The following SH3BGRL2 variants were observed in gnomAD, a reference collection of about 807,000 sequenced individuals.
SH3BGRL2 encodes the protein SH3 domain binding glutamate rich protein like 2.
Under a neutral mutation model 14.8 loss-of-function variants are expected in SH3BGRL2, and 21 were observed. The observed-to-expected ratio is 1.42, with a 90% CI of 1.01 to 2.05. SH3BGRL2 has a LOEUF of 2.05. SH3BGRL2 is among the 30% of genes most tolerant of loss of function. SH3BGRL2 has a pLI of 0.00. For synonymous variants in SH3BGRL2, 50 were observed against 47.8 expected (o/e 1.05, Z -0.19); for missense variants, 147 against 130.8 (o/e 1.12, Z -0.61).
the SH3BGRL2 span, among the ~76,000 whole-genome samples, chr6:79,555,220 C>T: frequency 2.6e-5 from 4 of 152,124 alleles, no homozygotes; most frequent in South Asian, 6.2e-4. Context: ...GAGGCTGAGG[C>T]AGGCGGATCA....
chr6:79,615,939 C>T, the SH3BGRL2 span, among the ~76,000 whole-genome samples: 10 of 151,512 alleles, frequency 6.6e-5, no homozygotes, highest in East Asian at 1.8e-3. Flanking sequence ...GCCTCAGCCT[C>T]CGGAGTAGCT....
the SH3BGRL2 span, among the ~76,000 whole-genome samples, chr6:79,588,966 G>T: frequency 6.6e-5 from 10 of 151,946 alleles, no homozygotes; most frequent in Non-Finnish European, 1.5e-4. Context: ...ATCTCTAGGG[G>T]GTTGGTTCCA....
At chr6:79,548,926 T>C in the SH3BGRL2 span, among the ~76,000 whole-genome samples, 75,665 of 151,926 alleles carry the variant, frequency 0.5, 19,987 homozygotes, top group East Asian at 0.79. Context: ...CAATATGATC[T>C]TATGACTTTG....
At chr6:79,617,854 C>A in the SH3BGRL2 span, among the ~76,000 whole-genome samples, 1 of 152,272 alleles carries the variant, frequency 6.6e-6, no homozygotes, top group Non-Finnish European at 1.5e-5. Context: ...GCCAGATTGT[C>A]CCACAATGAT....
the SH3BGRL2 span, among the ~76,000 whole-genome samples, chr6:79,584,256 C>T: frequency 5.9e-5 from 9 of 152,160 alleles, no homozygotes; most frequent in Non-Finnish European, 1.0e-4. Context: ...TCACATGAGA[C>T]GCCACCCAAG....
At chr6:79,645,456 C>G (rs969370600) in intron 1 of SH3BGRL2, among the ~76,000 whole-genome samples, 14 of 152,248 alleles carry the variant, frequency 9.2e-5, no homozygotes, top group Admixed American at 9.2e-4. Flanking sequence ...GGCATGGATC[C>G]ACTGGAACTG....
chr6:79,573,618 C>T, the SH3BGRL2 span, among the ~76,000 whole-genome samples: 1 of 152,002 alleles, frequency 6.6e-6, no homozygotes, highest in Non-Finnish European at 1.5e-5. Flanking sequence ...TATTTGTATC[C>T]ACATACATGA....
the SH3BGRL2 span, among the ~76,000 whole-genome samples, chr6:79,598,765 G>A: frequency 1.3e-5 from 2 of 152,112 alleles, no homozygotes; most frequent in South Asian, 4.1e-4. Context: ...TCTTAATGAA[G>A]TTATAAAAAA....
intron 1 of SH3BGRL2, among the ~76,000 whole-genome samples, chr6:79,654,732 T>G (rs1009376853): frequency 2.0e-5 from 3 of 152,176 alleles, no homozygotes; most frequent in Non-Finnish European, 4.4e-5. Context: ...GAGAACTTGA[T>G]GCACACCTGG....
intron 2 of SH3BGRL2, among the ~76,000 whole-genome samples, chr6:79,682,847 T>C (rs1770013966): frequency 6.6e-6 from 1 of 152,222 alleles, no homozygotes; most frequent in East Asian, 1.9e-4. Flanking sequence ...GTGGCACATA[T>C]ACACCATGGA....
chr6:79,616,799 T>C, the SH3BGRL2 span, among the ~76,000 whole-genome samples: 1 of 152,088 alleles, frequency 6.6e-6, no homozygotes, highest in Non-Finnish European at 1.5e-5. Flanking sequence ...CCCTTGTTGT[T>C]TTGGGAAGCT....
the SH3BGRL2 span, among the ~76,000 whole-genome samples, chr6:79,597,475 G>C: frequency 6.6e-6 from 1 of 151,958 alleles, no homozygotes. Context: ...TCACATTTAG[G>C]GTCAATTGAT....
intron 1 of SH3BGRL2, among the ~76,000 whole-genome samples, chr6:79,665,487 T>C (rs1206802855): frequency 6.6e-6 from 1 of 152,124 alleles, no homozygotes; most frequent in East Asian, 1.9e-4. Flanking sequence ...CGTGATGAGA[T>C]TATGGGTTTT....
intron 2 of SH3BGRL2, among the ~76,000 whole-genome samples, chr6:79,675,970 C>G (rs979399262): frequency 6.6e-6 from 1 of 152,056 alleles, no homozygotes; most frequent in African/African-American, 2.4e-5. Flanking sequence ...CTAGAAGCTG[C>G]GTGTGTGTCT....
At chr6:79,583,910 G>A in the SH3BGRL2 span, among the ~76,000 whole-genome samples, 1 of 152,084 alleles carries the variant, frequency 6.6e-6, no homozygotes, top group South Asian at 2.1e-4. Flanking sequence ...TTATGATGTG[G>A]GTATTGCTGG....
chr6:79,586,235 CTTTTTTTTTTTTTT>C, the SH3BGRL2 span, among the ~76,000 whole-genome samples: 1 of 54,962 alleles, frequency 1.8e-5, no homozygotes, highest in African/African-American at 7.3e-5. Flanking sequence ...GTATGGACTT[CTTTTTTTTTTTTTT>C]TTTTTTTTTT....
intron 1 of SH3BGRL2, among the ~76,000 whole-genome samples, chr6:79,638,464 C>T (rs1768968703): frequency 6.6e-6 from 1 of 152,100 alleles, no homozygotes; most frequent in Non-Finnish European, 1.5e-5. Context: ...GATAAATTCT[C>T]TGTAGTGGGA....
At chr6:79,623,177 A>C in the SH3BGRL2 span, among the ~76,000 whole-genome samples, 1 of 152,008 alleles carries the variant, frequency 6.6e-6, no homozygotes, top group Non-Finnish European at 1.5e-5. Flanking sequence ...ATGGTGGCAT[A>C]CGCCTGTAAT....
At chr6:79,591,820 G>A in the SH3BGRL2 span, among the ~76,000 whole-genome samples, 1 of 152,134 alleles carries the variant, frequency 6.6e-6, no homozygotes, top group Non-Finnish European at 1.5e-5. Context: ...CAGAATTCTA[G>A]CTCAGATTCA....
Sources: allele counts gnomAD v4.1 joint callset (sites outside exome capture counted in the v4.1 genomes callset), GRCh38; gene constraint gnomAD v4.1.1; transcripts MANE v1.5; gene names NCBI Gene and HGNC (gene_info 2026-07-23, HGNC 2026-07-21).